The following NCBP1 variants were observed in gnomAD, a reference collection of about 807,000 sequenced individuals.
The protein encoded by NCBP1 is nuclear cap-binding protein subunit 1.
In NCBP1, 16 loss-of-function variants were observed where a neutral mutation model predicts 111.7. That is an observed-to-expected ratio of 0.14 (90% CI 0.10 to 0.22). The LOEUF (loss-of-function observed/expected upper bound fraction) is 0.22, where lower values mean the gene tolerates loss of function less well. Among genes scored for constraint, NCBP1 ranks in the 10% least tolerant of loss-of-function variants. NCBP1 has a pLI of 1.00. For synonymous variants in NCBP1, 304 were observed against 314.3 expected, an observed-to-expected ratio of 0.97 and a Z score of 0.35; for missense variants, 607 against 957.5, an observed-to-expected ratio of 0.63 and a Z score of 4.83.
chr9:97,669,509 C>CTTTGGGG (rs1161810168), intron 21 of NCBP1, 84 bp from the exon 22 acceptor site: 2 of 883,834 alleles, frequency 2.3e-6, no homozygotes, highest in African/African-American at 3.3e-5. Context: ...ACAGGCAATA[C>CTTTGGGG]TTTGGGGTTT....
chr9:97,654,929 C>T lies in NCBP1; in HGVS notation c.1220C>T (p.Thr407Ile). 1 of 1,609,308 alleles carries T rather than the reference C, an allele frequency of 6.2e-7. No homozygotes were observed. The highest frequency in any genetic ancestry group is 8.5e-7 in the Non-Finnish European group (1 of 1,178,384). The change falls in exon 12 of 23, where the codon ACT becomes ATT. Residue 407 changes from threonine to isoleucine, a missense_variant. Thr to Ile is a moderately conservative substitution (Grantham distance 89). Around this residue, in one of 9 missense-constraint regions of NCBP1, gnomAD observed 21 missense variants for 19.6 expected, o/e 1.07. Transcript: ENST00000375147. ...TACATGCGTTTGGACACAATGAACA[C>T]TACCTGTGTAGACAGGTACAGTAAT... ...MLYMRLDTMNTTCVDRFINWF... is the reference protein window; with the variant it reads ...MLYMRLDTMNITCVDRFINWF...
Position 97,647,524 on chromosome 9 carries a change from A to G in NCBP1, c.644A>G (p.Gln215Arg). ...RRQKTHVPML[Q>R]VWTADKPHPQ... is the part of the protein sequence containing the mutation. ...CAAAAGACTCATGTACCCATGTTACAGGTATGGACTGCTGATAAACCACAT... is the reference window on the plus strand; with the variant it reads ...CAAAAGACTCATGTACCCATGTTACGGGTATGGACTGCTGATAAACCACAT... The change falls in exon 7 of 23, where the codon CAG becomes CGG. Residue 215 changes from glutamine (Q) to arginine (R), a missense_variant. Around this residue, in one of 9 missense-constraint regions of NCBP1, gnomAD observed 185 missense variants for 272.0 expected, o/e 0.68. Coordinates refer to ENST00000375147, the MANE Select transcript of NCBP1 (RefSeq NM_002486.5). 2 of 1,613,204 alleles carry G rather than the reference A, an allele frequency of 1.2e-6. No homozygotes were observed. Among genetic ancestry groups the G allele is most frequent in the East Asian group, 2.2e-5 (1 of 44,806 alleles).
chr9:97,641,528 A>T (rs376141802), intron 2 of NCBP1, 34 bp from the exon 3 acceptor site: 1 of 1,516,414 alleles, frequency 6.6e-7, no homozygotes, highest in Non-Finnish European at 8.9e-7. Flanking sequence ...GTTGCTGAGT[A>T]CTTGACAGAT....
chr9:97,662,824 T>C, intron 17 of NCBP1, 130 bp from the exon 18 acceptor site: 2 of 651,464 alleles, frequency 3.1e-6, no homozygotes, highest in Non-Finnish European at 5.1e-6. Context: ...GCATCCTTAA[T>C]GGTTAATACT....
chr9:97,634,350 G>A (rs1334137883), intron 1 of NCBP1, among the ~76,000 whole-genome samples: 1 of 152,250 alleles, frequency 6.6e-6, no homozygotes, highest in African/African-American at 2.4e-5. Context: ...GATCTCATGA[G>A]TTGCAGTCTG....
chr9:97,634,354 C>CAG (rs1231193955), intron 1 of NCBP1, among the ~76,000 whole-genome samples: 2 of 152,222 alleles, frequency 1.3e-5, no homozygotes, highest in Non-Finnish European at 2.9e-5. Context: ...TCATGAGTTG[C>CAG]AGTCTGAACT....
chr9:97,666,819 T>C lies in NCBP1; in HGVS notation c.1958T>C (p.Leu653Pro), dbSNP rs1828017763. 1 of 1,610,736 alleles carries C rather than the reference T, an allele frequency of 6.2e-7. No homozygotes were observed. The highest frequency in any genetic ancestry group is 8.5e-7 in the Non-Finnish European group (1 of 1,178,928). Residue 653 changes from leucine (L) to proline (P), a missense_variant, in exon 20 of 23, where the codon CTG (leucine) becomes CCG (proline). Physicochemically the swap from Leu to Pro is moderately conservative, Grantham distance 98. This residue lies in a region of NCBP1 where 282 missense variants were observed against 376.5 expected (regional missense o/e 0.75). Coordinates refer to ENST00000375147, the MANE Select transcript of NCBP1 (RefSeq NM_002486.5). Reference sequence around the variant, plus strand: ...ATTCGTAAGATGAACAAACATGTCCTGAAGATCCAGAAAGAGCTGGAAGAA... The same window carrying C: ...ATTCGTAAGATGAACAAACATGTCCCGAAGATCCAGAAAGAGCTGGAAGAA... ...STIRKMNKHV[L>P]KIQKELEEAK...
intron 1 of NCBP1, among the ~76,000 whole-genome samples, chr9:97,636,950 T>C (rs1320503703): frequency 6.6e-6 from 1 of 152,044 alleles, no homozygotes; most frequent in East Asian, 1.9e-4. Flanking sequence ...GGAGGTAAGG[T>C]AGCAGCCATA....
intron 22 of NCBP1, 75 bp from the exon 23 acceptor site, chr9:97,671,011 T>G (rs1382985045): frequency 2.1e-6 from 2 of 943,584 alleles, no homozygotes; most frequent in Admixed American, 2.0e-5. Flanking sequence ...ATGGGTGGGC[T>G]GCTGAAGGAA....
chr9:97,666,016 T>A (rs770900568), intron 19 of NCBP1, among the ~76,000 whole-genome samples: 1 of 152,154 alleles, frequency 6.6e-6, no homozygotes, highest in East Asian at 1.9e-4. Context: ...GTTGGTCTTA[T>A]TGACTCAGGT....
At chr9:97,652,307 C>T (rs1308985572) in intron 10 of NCBP1, among the ~76,000 whole-genome samples, 1 of 152,162 alleles carries the variant, frequency 6.6e-6, no homozygotes, top group Non-Finnish European at 1.5e-5. Context: ...CAGCCCACTG[C>T]ATTATGTCTT....
intron 1 of NCBP1, among the ~76,000 whole-genome samples, chr9:97,637,081 G>A (rs1827063215): frequency 6.6e-6 from 1 of 152,174 alleles, no homozygotes; most frequent in South Asian, 2.1e-4. Context: ...AGCAGAGTGA[G>A]TGAGGGGGAA....
chr9:97,652,416 G>A (rs1374566153), intron 10 of NCBP1, among the ~76,000 whole-genome samples: 2 of 152,136 alleles, frequency 1.3e-5, no homozygotes, highest in Non-Finnish European at 2.9e-5. Flanking sequence ...TCAGGAGTTC[G>A]AGACCAGCCT....
intron 6 of NCBP1, among the ~76,000 whole-genome samples, chr9:97,647,013 A>C (rs181171227): frequency 6.7e-6 from 1 of 149,232 alleles, no homozygotes; most frequent in East Asian, 2.0e-4. Flanking sequence ...CATTCTTTTT[A>C]ACAGTTGTAG....
intron 3 of NCBP1, among the ~76,000 whole-genome samples, 175 bp from the exon 4 acceptor site, chr9:97,643,029 G>A (rs1315608888): frequency 1.3e-5 from 2 of 151,782 alleles, no homozygotes; most frequent in Admixed American, 6.6e-5. Flanking sequence ...GAAAAATTAC[G>A]GGACTATGTC....
intron 22 of NCBP1, among the ~76,000 whole-genome samples, chr9:97,670,632 A>C (rs765887614): frequency 1.3e-5 from 2 of 152,228 alleles, no homozygotes; most frequent in Non-Finnish European, 2.9e-5. Flanking sequence ...TCCTATAAGA[A>C]TCTCTGAGAG....
Position 97,668,923 on chromosome 9 carries a change from AGTG to A in NCBP1, c.2096_2098del (p.Val699del). ...AACAAATAGAACGACTTCAGGAAAA[AGTG>A]GAATCTGCTCAGAGTGAACAAAAGA... On this transcript the variant is annotated inframe_deletion, in exon 21 of 23. Coordinates refer to ENST00000375147, the MANE Select transcript of NCBP1 (RefSeq NM_002486.5). 1 of 1,613,806 alleles carries A rather than the reference AGTG, an allele frequency of 6.2e-7. No homozygotes were observed. Among genetic ancestry groups the A allele is most frequent in the Non-Finnish European group, 8.5e-7 (1 of 1,179,754 alleles).
At chr9:97,662,403 T>C (rs532430399) in intron 17 of NCBP1, among the ~76,000 whole-genome samples, 28 of 152,324 alleles carry the variant, frequency 1.8e-4, no homozygotes, top group South Asian at 4.1e-4. Context: ...ACCTAGGTTT[T>C]TGGGACAGTC....
At chr9:97,670,656 T>A (rs891043998) in intron 22 of NCBP1, among the ~76,000 whole-genome samples, 1 of 152,234 alleles carries the variant, frequency 6.6e-6, no homozygotes, top group African/African-American at 2.4e-5. Flanking sequence ...TCATGGCTTA[T>A]AGAGGAACAC....
Sources: gnomAD v4.1 joint callset for allele counts (sites outside exome capture counted in the v4.1 genomes callset) on GRCh38, gnomAD v4.1.1 for gene constraint, gnomAD v4.1.1 regional missense constraint, MANE v1.5 for transcripts, NCBI Gene and HGNC (gene_info 2026-07-23, HGNC 2026-07-21) for gene names.